The following CCDC7 variants were observed in gnomAD, a reference collection of about 807,000 sequenced individuals.
CCDC7 encodes the protein coiled-coil domain-containing protein 7.
In CCDC7, 183 loss-of-function variants were observed where a neutral mutation model predicts 196.9. That is an observed-to-expected ratio of 0.93 (90% CI 0.82 to 1.05). CCDC7 has a LOEUF of 1.05. CCDC7 is among the 50% of genes least tolerant of loss of function. The pLI is 0.00. For synonymous variants in CCDC7, 525 were observed against 484.6 expected, an observed-to-expected ratio of 1.08 and a Z score of -1.10; for missense variants, 1,540 against 1,482.2, an observed-to-expected ratio of 1.04 and a Z score of -0.64.
intron 32 of CCDC7, among the ~76,000 whole-genome samples, chr10:32,833,338 A>T (rs1410844378): frequency 8.9e-6 from 1 of 112,356 alleles, no homozygotes; most frequent in Non-Finnish European, 1.9e-5. Flanking sequence ...ATTGTATGAT[A>T]TATTACCCTT....
chr10:32,698,064 G>A (rs970759365), intron 24 of CCDC7, among the ~76,000 whole-genome samples: 1 of 152,144 alleles, frequency 6.6e-6, no homozygotes, highest in Non-Finnish European at 1.5e-5. Flanking sequence ...AGGCAAACAG[G>A]GTCTGGAGTG....
At chr10:32,706,757 A>C (rs1001734373) in intron 24 of CCDC7, among the ~76,000 whole-genome samples, 1 of 152,230 alleles carries the variant, frequency 6.6e-6, no homozygotes, top group African/African-American at 2.4e-5. Context: ...ATGCCCTCCA[A>C]AGACTAAACC....
intron 28 of CCDC7, among the ~76,000 whole-genome samples, chr10:32,754,102 G>C (rs987821681): frequency 6.6e-6 from 1 of 151,910 alleles, no homozygotes; most frequent in African/African-American, 2.4e-5. Context: ...TAATAAAAAA[G>C]AAAACCTGTT....
At chr10:32,485,341 T>C (rs948717685) in intron 8 of CCDC7, among the ~76,000 whole-genome samples, 9 of 152,226 alleles carry the variant, frequency 5.9e-5, no homozygotes, top group Non-Finnish European at 1.2e-4. Flanking sequence ...GGTGGTGATA[T>C]CCCCTTTATC....
At chr10:32,875,516 A>G (rs1008440783) in intron 41 of CCDC7, among the ~76,000 whole-genome samples, 1 of 151,972 alleles carries the variant, frequency 6.6e-6, no homozygotes. Flanking sequence ...TACCAGTACC[A>G]TGCTGTTTTG....
intron 28 of CCDC7, among the ~76,000 whole-genome samples, chr10:32,751,559 A>G (rs1344624641): frequency 6.6e-6 from 1 of 152,162 alleles, no homozygotes; most frequent in Non-Finnish European, 1.5e-5. Flanking sequence ...GGCATATGTG[A>G]TATGAGATTG....
chr10:32,590,669 G>T (rs1280156334), intron 18 of CCDC7, among the ~76,000 whole-genome samples: 1 of 152,114 alleles, frequency 6.6e-6, no homozygotes, highest in African/African-American at 2.4e-5. Flanking sequence ...GGACAGGTCT[G>T]GTGTTGATAA....
rs150293880 is a variant in CCDC7 at position 32,454,577 on chromosome 10, T to TAAAAAAAAA, written c.372+1143_372+1151dup. On this transcript the variant is annotated intron_variant, in intron 2 of 41. Coordinates refer to ENST00000639629, the Ensembl canonical transcript of CCDC7. ...TACCCACTAAATCTAAAACAAAAGT[T>TAAAAAAAAA]AAAAAAAAAACCACCAAAAAAATAA... Among the ~76,000 whole-genome samples, 784 of 146,756 alleles carry TAAAAAAAAA rather than the reference T, an allele frequency of 5.3e-3. 8 individuals are homozygous for TAAAAAAAAA. Among genetic ancestry groups the TAAAAAAAAA allele is most frequent in the African/African-American group, 0.019 (748 of 39,640 alleles).
At chr10:32,585,049 A>G (rs2059120582) in intron 18 of CCDC7, among the ~76,000 whole-genome samples, 1 of 151,976 alleles carries the variant, frequency 6.6e-6, no homozygotes. Flanking sequence ...TATTCAATCA[A>G]TATTTTATTG....
Position 32,824,479 on chromosome 10 carries a change from A to G in CCDC7, c.3182-39A>G, listed in dbSNP as rs571915495. 157 of 1,335,586 alleles carry G rather than the reference A, an allele frequency of 1.2e-4. 5 individuals are homozygous for G. In the South Asian group the frequency reaches 1.9e-3, roughly 16 times the overall value. 82.7% of individuals were successfully genotyped at this position (1,335,586 alleles called of 1,614,324 possible). On this transcript the variant is annotated intron_variant, in intron 31 of 41. Coordinates refer to ENST00000639629, the Ensembl canonical transcript of CCDC7. ...TGCACACACACATGTTAATATTTAC[A>G]TTAAAAAAGTGTTTTGAAATCTGTT...
upstream of CCDC7, among the ~76,000 whole-genome samples, chr10:32,449,819 C>G (rs2032530150): frequency 2.6e-5 from 4 of 152,148 alleles, no homozygotes; most frequent in African/African-American, 7.2e-5. Context: ...ATAAATGGGA[C>G]TACTGCCCTT....
intron 25 of CCDC7, among the ~76,000 whole-genome samples, chr10:32,716,901 G>A (rs2081676352): frequency 6.6e-6 from 1 of 151,598 alleles, no homozygotes; most frequent in South Asian, 2.1e-4. Context: ...CATAAAGAAC[G>A]TTCTTAGAGA....
At chr10:32,629,302 T>C (rs1255229882) in intron 18 of CCDC7, among the ~76,000 whole-genome samples, 1 of 152,092 alleles carries the variant, frequency 6.6e-6, no homozygotes, top group Non-Finnish European at 1.5e-5. Flanking sequence ...TTTTTTGATA[T>C]AAGTATAGTG....
chr10:32,609,192 C>T (rs2061837899), intron 18 of CCDC7, among the ~76,000 whole-genome samples: 1 of 152,036 alleles, frequency 6.6e-6, no homozygotes, highest in Non-Finnish European at 1.5e-5. Flanking sequence ...GATGACCTGT[C>T]CAATGCTGCT....
At chr10:32,853,349 A>C (rs1390830623) in intron 40 of CCDC7, among the ~76,000 whole-genome samples, 1 of 152,176 alleles carries the variant, frequency 6.6e-6, no homozygotes, top group Non-Finnish European at 1.5e-5. Flanking sequence ...TGAAAACTAT[A>C]ATAGCATAAA....
intron 24 of CCDC7, among the ~76,000 whole-genome samples, chr10:32,706,107 A>G (rs896230533): frequency 2.0e-5 from 3 of 152,174 alleles, no homozygotes; most frequent in South Asian, 4.1e-4. Context: ...CAAAGAAATT[A>G]TAACAAACTG....
intron 29 of CCDC7, among the ~76,000 whole-genome samples, chr10:32,781,553 C>A (rs1282769181): frequency 6.6e-6 from 1 of 152,094 alleles, no homozygotes; most frequent in Non-Finnish European, 1.5e-5. Context: ...CAACAAAAAA[C>A]CCCACTGGAT....
intron 18 of CCDC7, among the ~76,000 whole-genome samples, chr10:32,585,442 G>C: frequency 6.6e-6 from 1 of 152,074 alleles, no homozygotes; most frequent in South Asian, 2.1e-4. Context: ...TTGTTACATA[G>C]GTATACATGT....
Position 32,599,871 on chromosome 10 carries a change from A to C in CCDC7, c.1801+15567A>C, listed in dbSNP as rs182680796. On this transcript the variant is annotated intron_variant, in intron 18 of 41. Coordinates refer to ENST00000639629, the Ensembl canonical transcript of CCDC7. Reference sequence around the variant, plus strand: ...GAGTTTCATTCTTCTACATGTGGCTATTGAGGTTTCCCAGAACCATTTATT... The same window carrying C: ...GAGTTTCATTCTTCTACATGTGGCTCTTGAGGTTTCCCAGAACCATTTATT... 5.9e-3 allele frequency among the ~76,000 whole-genome samples: 899 copies of C among 152,246 alleles called. 5 individuals carry two copies. Among genetic ancestry groups the C allele is most frequent in the Non-Finnish European group, 8.5e-3 (578 of 68,000 alleles).
Sources: gnomAD v4.1 joint callset for allele counts (sites outside exome capture counted in the v4.1 genomes callset) on GRCh38, gnomAD v4.1.1 for gene constraint, MANE v1.5 for transcripts, NCBI Gene and HGNC (gene_info 2026-07-23, HGNC 2026-07-21) for gene names.